SARDH: variants seen among roughly 807,000 people sequenced by gnomAD.
SARDH encodes sarcosine dehydrogenase, mitochondrial.
In SARDH, 95 loss-of-function variants were observed where a neutral mutation model predicts 109.1. The observed-to-expected ratio is 0.87, with a 90% CI of 0.74 to 1.03. SARDH has a LOEUF of 1.03. Among genes scored for constraint, SARDH ranks in the 50% least tolerant of loss-of-function variants. The pLI is 0.00. For missense variants in SARDH, 1,267 were observed against 1,287.8 expected (o/e 0.98, Z 0.25); for synonymous variants, 572 against 534.8 (o/e 1.07, Z -0.96).
At chr9:133,738,814 C>T (rs544871914), upstream of SARDH, among the ~76,000 whole-genome samples, 1 of 152,202 alleles carries the variant, frequency 6.6e-6, no homozygotes, top group Admixed American at 6.5e-5. Flanking sequence ...ATGCTCACTG[C>T]CTTCAGAGGC....
At chr9:133,699,989 G>A (rs924921913) in intron 13 of SARDH, among the ~76,000 whole-genome samples, 2 of 152,170 alleles carry the variant, frequency 1.3e-5, no homozygotes, top group African/African-American at 2.4e-5. Flanking sequence ...CAATGGATGA[G>A]TAAAATATGA....
rs781059017 is a variant in SARDH at position 133,690,368 on chromosome 9, G to C, written c.2069+12C>G. 3 of 1,603,032 alleles carry C rather than the reference G, an allele frequency of 1.9e-6. No homozygotes were observed. In the African/African-American group the frequency reaches 4.0e-5, roughly 21 times the overall value. On this transcript the variant is annotated intron_variant, in intron 16 of 20. Transcript: ENST00000439388. ...AGGTGCACCCAGGGGCGGGCTCCCA[G>C]TCCTCTCTCACCTGGCTGGGCCCTG...
At chr9:133,719,174 C>T (rs1304293088) in intron 6 of SARDH, 132 bp from the exon 7 acceptor site, 31 of 699,044 alleles carry the variant, frequency 4.4e-5, no homozygotes, top group South Asian at 8.5e-5. Flanking sequence ...TGTAGGACCC[C>T]GAGGACAGAG....
chr9:133,705,254 GA>G (rs1476938915), intron 11 of SARDH, among the ~76,000 whole-genome samples: 3 of 147,248 alleles, frequency 2.0e-5, no homozygotes, highest in African/African-American at 7.5e-5. Flanking sequence ...CTCACCCTGA[GA>G]ACCCCCATCT....
rs2797820 is a variant in SARDH, at chr9:133,692,484, C to G, written c.1921+1774G>C. 0.44 allele frequency among the ~76,000 whole-genome samples: 66,257 copies of G among 151,956 alleles called. 14,972 individuals are homozygous for G. The highest frequency in any genetic ancestry group is 0.55 in the African/African-American group (22,748 of 41,444). ...GTCACACTGGTTCTCACCTCTACAC[C>G]CTTGTAGCCAGTGGCTCCTCCCCAT... On this transcript the variant is annotated intron_variant, in intron 15 of 20. Coordinates refer to ENST00000439388, the MANE Select transcript of SARDH (RefSeq NM_001134707.2). This position sits in a 1 kb window ranked among gnomAD's most constrained non-coding sequence, Gnocchi z 5.0.
At position 133,704,084 on chromosome 9, in the gene SARDH, G is replaced by C. The variant is rs1831596084; in HGVS notation, c.1554+864C>G. On this transcript the variant is annotated intron_variant, in intron 12 of 20. Transcript: ENST00000439388. This position sits in a 1 kb window ranked among gnomAD's most constrained non-coding sequence, Gnocchi z 4.5. ...CTGCCCAGACCCCTCCTCCCCGCAG[G>C]GTTCATGAGGACGGCATGTCCCTAG... 6.6e-6 allele frequency among the ~76,000 whole-genome samples: 1 copy of C among 152,108 alleles called. No individual in the cohort carries two copies. The highest frequency in any genetic ancestry group is 1.9e-4 in the East Asian group (1 of 5,170).
intron 6 of SARDH, among the ~76,000 whole-genome samples, chr9:133,725,822 C>T (rs551280615): frequency 2.6e-5 from 4 of 152,350 alleles, no homozygotes; most frequent in African/African-American, 4.8e-5. Context: ...GTGGACTCCT[C>T]TGTACCCGAG....
In SARDH at chr9:133,686,368, T is replaced by G. The variant is rs1830885849; in HGVS notation, c.2070-1082A>C. ...CCCTTCGCATTCTCACCCCTTCCCC[T>G]GTCACCACTTAACCCTTTGTCATCC... On this transcript the variant is annotated intron_variant, in intron 16 of 20. Transcript: ENST00000439388. This position sits in a 1 kb window ranked among gnomAD's most constrained non-coding sequence, Gnocchi z 4.0. Among the ~76,000 whole-genome samples the G allele has an allele frequency of 1.3e-5, 2 of 152,004 alleles. No homozygotes were observed. The highest frequency in any genetic ancestry group is 4.8e-5 in the African/African-American group (2 of 41,370).
intron 6 of SARDH, among the ~76,000 whole-genome samples, chr9:133,724,691 G>A (rs1832431567): frequency 6.6e-6 from 1 of 151,972 alleles, no homozygotes; most frequent in Non-Finnish European, 1.5e-5. Flanking sequence ...TATCTGAAAT[G>A]CTTGGGACCA....
At chr9:133,721,067 G>A (rs10993775) in intron 6 of SARDH, among the ~76,000 whole-genome samples, 32,663 of 152,056 alleles carry the variant, frequency 0.21, 3,695 homozygotes, top group Middle Eastern at 0.25. Flanking sequence ...ATTTTACAGC[G>A]GTTCCAGAAA....
chr9:133,661,643 A>C (rs1395626013), downstream of SARDH, among the ~76,000 whole-genome samples: 1 of 151,894 alleles, frequency 6.6e-6, no homozygotes, highest in Non-Finnish European at 1.5e-5. Context: ...CACCACGCCC[A>C]GCTAATTTTG....
chr9:133,666,909 C>G lies in SARDH; in HGVS notation c.2496-39G>C, dbSNP rs199664033. On this transcript the variant is annotated intron_variant, in intron 19 of 20. Coordinates refer to ENST00000439388, the MANE Select transcript of SARDH (RefSeq NM_001134707.2). This position sits in a 1 kb window ranked among gnomAD's most constrained non-coding sequence, Gnocchi z 5.2. The stretch of plus-strand genomic sequence containing the variant: ...TAGAGAAAGCTGGGGCCCCAGAAAC[C>G]GCAGGGTGGGGACGCGTCCACAGCG... 6.2e-7 allele frequency: 1 copy of G among 1,610,366 alleles called. No homozygotes were observed. The highest frequency in any genetic ancestry group is 1.1e-5 in the South Asian group (1 of 90,470).
intron 14 of SARDH, among the ~76,000 whole-genome samples, chr9:133,695,733 G>A (rs922313804): frequency 1.4e-5 from 2 of 140,478 alleles, no homozygotes; most frequent in Non-Finnish European, 3.1e-5. Context: ...GAGCTGTTGG[G>A]TGGGTGGGTG....
chr9:133,680,374 C>G (rs1830656324), intron 17 of SARDH, among the ~76,000 whole-genome samples: 1 of 152,200 alleles, frequency 6.6e-6, no homozygotes, highest in African/African-American at 2.4e-5. Context: ...CCTGTGAGGC[C>G]CCCTACAGGG....
chr9:133,680,798 G>A (rs896705580), intron 17 of SARDH, among the ~76,000 whole-genome samples: 7 of 149,560 alleles, frequency 4.7e-5, no homozygotes, highest in Non-Finnish European at 7.3e-5. Flanking sequence ...AGACCTGGCC[G>A]CCAGGCCCAC....
chr9:133,725,928 G>C lies in SARDH; in HGVS notation c.915+3837C>G, dbSNP rs181691503. Among the ~76,000 whole-genome samples, 462 of 152,254 alleles carry C rather than the reference G, an allele frequency of 3.0e-3. 2 individuals are homozygous for C. The highest frequency in any genetic ancestry group is 0.011 in the African/African-American group (441 of 41,524). Reference sequence around the variant, plus strand: ...TGTCCTGTCTCTGGGAGCAGGAAAGGGGATGTGCAGAGACCAGAAGGGACA... The same window carrying C: ...TGTCCTGTCTCTGGGAGCAGGAAAGCGGATGTGCAGAGACCAGAAGGGACA... On this transcript the variant is annotated intron_variant, in intron 6 of 20. Transcript: ENST00000439388.
At chr9:133,706,168 T>C (rs185641446) in intron 11 of SARDH, among the ~76,000 whole-genome samples, 37 of 152,358 alleles carry the variant, frequency 2.4e-4, no homozygotes, top group African/African-American at 7.9e-4. Flanking sequence ...GCATGTTCAC[T>C]GAGCTCTATG....
At chr9:133,705,114 C>T (rs1588426725) in intron 11 of SARDH, 83 bp from the exon 12 acceptor site, 4 of 1,377,520 alleles carry the variant, frequency 2.9e-6, no homozygotes, top group East Asian at 2.5e-5. Flanking sequence ...CGCCACTTTA[C>T]ACCCAAGGGT....
In SARDH at chr9:133,686,653, C is replaced by T. The variant is rs1254865748; in HGVS notation, c.2070-1367G>A. 6.6e-6 allele frequency among the ~76,000 whole-genome samples: 1 copy of T among 152,068 alleles called. No individual in the cohort carries two copies. Among genetic ancestry groups the T allele is most frequent in the Admixed American group, 6.5e-5 (1 of 15,270 alleles). On this transcript the variant is annotated intron_variant, in intron 16 of 20. Transcript: ENST00000439388. The surrounding 1 kb of genome is among the most constrained non-coding windows in gnomAD (Gnocchi z 4.0). ...CTGGCTTGGCACAGCAGGGTGAGGC[C>T]CCCATTGCTAGGAGACGCCCCCCCA...
Sources: allele counts gnomAD v4.1 joint callset (sites outside exome capture counted in the v4.1 genomes callset), GRCh38; gene constraint gnomAD v4.1.1; non-coding constraint Gnocchi (gnomAD v3.1); transcripts MANE v1.5; gene names NCBI Gene and HGNC (gene_info 2026-07-23, HGNC 2026-07-21).